Variants in FUT8 observed in about 807,000 individuals in gnomAD.
FUT8 encodes the protein alpha-(1,6)-fucosyltransferase.
A neutral mutation model predicts 71.3 loss-of-function variants in FUT8; 29 were observed. The observed-to-expected ratio is 0.41, with a 90% CI of 0.30 to 0.55. FUT8 has a LOEUF of 0.55. Among genes scored for constraint, FUT8 ranks in the 20% least tolerant of loss-of-function variants. FUT8 has a pLI of 0.34. For missense variants in FUT8, 544 were observed against 702.1 expected, an observed-to-expected ratio of 0.77 and a Z score of 2.55; for synonymous variants, 254 against 239.3, an observed-to-expected ratio of 1.06 and a Z score of -0.57.
chr14:65,471,119 G>C (rs944057908), intron 2 of FUT8: 6 of 456,692 alleles, frequency 1.3e-5, no homozygotes, highest in Non-Finnish European at 2.7e-5. Flanking sequence ...AGGGATGAGG[G>C]GGAAAGTTCT....
chr14:65,453,405 CTTAAT>C (rs1009469237), intron 1 of FUT8, among the ~76,000 whole-genome samples: 5 of 152,132 alleles, frequency 3.3e-5, no homozygotes, highest in African/African-American at 9.7e-5. Context: ...AGTGTAACCA[CTTAAT>C]TTAATTTTCC....
rs146584504 is a variant in FUT8, at chr14:65,644,453, G to A, written c.597+14847G>A. ...CTACAGGCGCCCACCACCGCCTCCC[G>A]GGTTCACGCCATTCTCCTGCCTCAG... On this transcript the variant is annotated intron_variant, in intron 6 of 10. Coordinates refer to ENST00000673929, the MANE Select transcript of FUT8 (RefSeq NM_001371533.1). Among the ~76,000 whole-genome samples the A allele has an allele frequency of 1.0e-3, 152 of 151,846 alleles. 1 individual carries two copies. Among genetic ancestry groups the A allele is most frequent in the African/African-American group, 3.6e-3 (150 of 41,426 alleles).
At chr14:65,690,678 G>A (rs1893531269) in intron 7 of FUT8, among the ~76,000 whole-genome samples, 1 of 149,820 alleles carries the variant, frequency 6.7e-6, no homozygotes, top group African/African-American at 2.4e-5. Context: ...ATGGTGGTGT[G>A]TGTTTTAAAT....
rs1372885003 is a variant in FUT8 at position 65,733,386 on chromosome 14, G to A, written c.1410+5G>A. On this transcript the variant is annotated splice_donor_5th_base_variant and intron_variant, in intron 10 of 10. Coordinates refer to ENST00000673929, the MANE Select transcript of FUT8 (RefSeq NM_001371533.1). Reference sequence around the variant, plus strand: ...GTGTGTACTTTTTCATCCCAGGTAAGTGTCAGTAGGGCATTTTAAAATAAC... The same window carrying A: ...GTGTGTACTTTTTCATCCCAGGTAAATGTCAGTAGGGCATTTTAAAATAAC... 1.3e-6 allele frequency: 2 copies of A among 1,572,210 alleles called. No homozygotes were observed. Among genetic ancestry groups the A allele is most frequent in the African/African-American group, 1.4e-5 (1 of 73,234 alleles).
intron 3 of FUT8, among the ~76,000 whole-genome samples, chr14:65,615,143 C>G (rs1424072148): frequency 1.3e-5 from 2 of 152,168 alleles, no homozygotes; most frequent in African/African-American, 2.4e-5. Flanking sequence ...GCTGCCTACA[C>G]TAGAATGCAG....
At chr14:65,609,885 A>C (rs61315421) in intron 3 of FUT8, among the ~76,000 whole-genome samples, 15,220 of 151,854 alleles carry the variant, frequency 0.1, 1,158 homozygotes, top group East Asian at 0.38. Flanking sequence ...TTTCTAAACA[A>C]ATTCAGTGTT....
At chr14:65,596,230 C>A (rs569558248) in intron 3 of FUT8, among the ~76,000 whole-genome samples, 1 of 152,106 alleles carries the variant, frequency 6.6e-6, no homozygotes, top group Non-Finnish European at 1.5e-5. Flanking sequence ...CATGCACATA[C>A]ATATGCAAAA....
At chr14:65,495,089 G>A (rs1250111321) in intron 2 of FUT8, among the ~76,000 whole-genome samples, 3 of 151,170 alleles carry the variant, frequency 2.0e-5, no homozygotes, top group Non-Finnish European at 2.9e-5. Flanking sequence ...ACCTCTTTCT[G>A]GAACCTTTCA....
chr14:65,601,015 C>G (rs1888263485), intron 3 of FUT8, among the ~76,000 whole-genome samples: 1 of 152,018 alleles, frequency 6.6e-6, no homozygotes, highest in South Asian at 2.1e-4. Flanking sequence ...AGCCAGAAAC[C>G]TTTTTAATGT....
At position 65,743,587 on chromosome 14, in the gene FUT8, T is replaced by A. The variant is rs1896604401; in HGVS notation, c.*1177T>A. ...GCCTATCATGCCCTGCTTTTGAGAG[T>A]ACCAGGTATCTTTGGGATTGGGAAG... is the stretch of plus-strand genomic sequence containing the variant. On this transcript the variant is annotated 3_prime_UTR_variant, in exon 11 of 11. Coordinates refer to ENST00000673929, the MANE Select transcript of FUT8 (RefSeq NM_001371533.1). 6.6e-6 allele frequency: 1 copy of A among 151,766 alleles called. No individual in the cohort carries two copies. Among genetic ancestry groups the A allele is most frequent in the Non-Finnish European group, 1.5e-5 (1 of 67,848 alleles). The allele number at this position is 151,766 out of a possible 1,614,324, so 9.4% of individuals were successfully genotyped here. A position where few individuals can be genotyped will look rare whatever the true frequency, so the allele number is the denominator to read the frequency against.
upstream of FUT8, among the ~76,000 whole-genome samples, chr14:65,409,916 GGGTGGAGTAAGA>G (rs2065104763): frequency 2.0e-5 from 3 of 152,198 alleles, no homozygotes; most frequent in African/African-American, 7.2e-5. The surrounding 1 kb of genome is among the most constrained non-coding windows in gnomAD (Gnocchi z 5.4). Context: ...GGTGAGGGAG[GGGTGGAGTAAGA>G]GGTGGAGTAC....
chr14:65,709,028 G>A (rs929092744), intron 7 of FUT8, among the ~76,000 whole-genome samples: 5 of 152,232 alleles, frequency 3.3e-5, no homozygotes, highest in East Asian at 1.9e-4. Flanking sequence ...AGAAGGATAC[G>A]TTGGTGAAAT....
intron 7 of FUT8, among the ~76,000 whole-genome samples, chr14:65,696,439 C>T (rs547307871): frequency 6.6e-6 from 1 of 152,124 alleles, no homozygotes; most frequent in Non-Finnish European, 1.5e-5. Flanking sequence ...TATTGTTCCT[C>T]TCTAGATAAG....
At position 65,550,292 on chromosome 14, in the gene FUT8, T is replaced by C. The variant is rs1348871662; in HGVS notation, c.-227-11045T>C. The stretch of plus-strand genomic sequence containing the variant: ...ATCATTGTGTGTTCTGATGAACCCA[T>C]CATAAGTTGAAAGTATCATGAGTCG... On this transcript the variant is annotated intron_variant, in intron 2 of 10. Coordinates refer to ENST00000673929, the MANE Select transcript of FUT8 (RefSeq NM_001371533.1). This position sits in a 1 kb window ranked among gnomAD's most constrained non-coding sequence, Gnocchi z 4.5. Among the ~76,000 whole-genome samples the C allele has an allele frequency of 6.6e-6, 1 of 152,094 alleles. No individual in the cohort carries two copies. The highest frequency in any genetic ancestry group is 2.4e-5 in the African/African-American group (1 of 41,402).
At chr14:65,720,652 A>T (rs74056804) in intron 7 of FUT8, among the ~76,000 whole-genome samples, 1 of 152,156 alleles carries the variant, frequency 6.6e-6, no homozygotes, top group Admixed American at 6.5e-5. Context: ...CCTAGGTCCA[A>T]TGACTCTCGA....
chr14:65,637,945 A>G (rs1016877077), intron 6 of FUT8, among the ~76,000 whole-genome samples: 2 of 152,180 alleles, frequency 1.3e-5, no homozygotes, highest in African/African-American at 4.8e-5. Context: ...GGTATTACTC[A>G]TGAGTGCCTA....
chr14:65,633,749 G>A (rs1233600092), intron 6 of FUT8, among the ~76,000 whole-genome samples: 21 of 150,240 alleles, frequency 1.4e-4, no homozygotes, highest in African/African-American at 4.4e-4. Context: ...CCAGGCAGCC[G>A]CCCCGTCTGA....
At chr14:65,538,154 C>T (rs1202169853) in intron 2 of FUT8, among the ~76,000 whole-genome samples, 1 of 152,184 alleles carries the variant, frequency 6.6e-6, no homozygotes, top group African/African-American at 2.4e-5. Context: ...ACTACAGATG[C>T]TCCCACACCA....
intron 3 of FUT8, among the ~76,000 whole-genome samples, chr14:65,596,840 A>G (rs1295475432): frequency 6.6e-6 from 1 of 152,124 alleles, no homozygotes; most frequent in Non-Finnish European, 1.5e-5. Context: ...ACTTACTGTG[A>G]TATGTAGAAT....
Sources: allele counts gnomAD v4.1 joint callset (sites outside exome capture counted in the v4.1 genomes callset), GRCh38; gene constraint gnomAD v4.1.1; non-coding constraint Gnocchi (gnomAD v3.1); transcripts MANE v1.5; gene names NCBI Gene and HGNC (gene_info 2026-07-23, HGNC 2026-07-21).